ZNF205: variants seen among roughly 807,000 people sequenced by gnomAD.
ZNF205 encodes zinc finger protein 205.
A neutral mutation model predicts 53.6 loss-of-function variants in ZNF205; 32 were observed. The ratio of observed to expected loss-of-function variants is 0.60; its 90% CI spans 0.45 to 0.80. ZNF205 has a LOEUF of 0.80. Among genes scored for constraint, ZNF205 ranks in the 30% least tolerant of loss-of-function variants. ZNF205 has a pLI of 0.00. For missense variants in ZNF205, 836 were observed against 782.4 expected (o/e 1.07, Z -0.82); for synonymous variants, 382 against 334.3 (o/e 1.14, Z -1.56).
Position 3,119,613 on chromosome 16 carries a change from G to C in ZNF205, c.953G>C (p.Ser318Thr), listed in dbSNP as rs756552273. The part of the protein sequence containing the change: ...YRCEQCGKGF[S>T]WHSHLVTHRR... ...TGCGAGCAGTGCGGCAAGGGCTTCAGCTGGCACTCGCACCTGGTGACGCAC... is the reference window on the plus strand; with the variant it reads ...TGCGAGCAGTGCGGCAAGGGCTTCACCTGGCACTCGCACCTGGTGACGCAC... Residue 318 changes from serine to threonine, a missense_variant, in exon 7 of 7, where the codon AGC (serine) becomes ACC (threonine). Physicochemically the swap from Ser to Thr is moderately conservative, Grantham distance 58 (BLOSUM62 1). Coordinates refer to ENST00000219091, the MANE Select transcript of ZNF205 (RefSeq NM_001042428.2). The C allele has an allele frequency of 2.5e-6, 4 of 1,610,944 alleles. No individual in the cohort carries two copies. Among genetic ancestry groups the C allele is most frequent in the Middle Eastern group, 1.7e-4 (1 of 6,058 alleles).
rs910923556 is a variant in ZNF205, at chr16:3,119,706, C to G, written c.1046C>G (p.Ser349Trp). 15 of 1,613,536 alleles carry G rather than the reference C, an allele frequency of 9.3e-6. No individual in the cohort carries two copies. The Admixed American group carries it at 1.3e-4, about 14-fold the overall frequency. The change falls in exon 7 of 7, where the codon TCG becomes TGG. Residue 349 changes from serine (S) to tryptophan (W), a missense_variant. By Grantham distance (177) the Ser-to-Trp change is radical. Coordinates refer to ENST00000219091, the MANE Select transcript of ZNF205 (RefSeq NM_001042428.2). ...TDCGKRFGRS[S>W]HLIQHQIIHT... Reference sequence around the variant, plus strand: ...TGCGGGAAGCGCTTCGGCCGCAGCTCGCACCTCATCCAGCACCAGATCATC... The same window carrying G: ...TGCGGGAAGCGCTTCGGCCGCAGCTGGCACCTCATCCAGCACCAGATCATC...
chr16:3,112,933 G>C (rs1957286824), intron 1 of ZNF205: 1 of 193,010 alleles, frequency 5.2e-6, no homozygotes, highest in Non-Finnish European at 1.1e-5. Context: ...CTGAATTCCT[G>C]GTGGGCATGG....
At position 3,120,019 on chromosome 16, in the gene ZNF205, C is replaced by T. The variant is rs751607198; in HGVS notation, c.1359C>T (p.Cys453=). ...TCAAGCCCTATCCGTGCCCCGAGTG[C>T]GGCAAGTGCTTCAGCCAGCGTTCCA... ...TGVKPYPCPE[C]GKCFSQRSNL... is the part of the protein sequence containing the mutation. The change falls in exon 7 of 7, where the codon TGC becomes TGT. Residue 453 remains cysteine (C), a synonymous_variant. Coordinates refer to ENST00000219091, the MANE Select transcript of ZNF205 (RefSeq NM_001042428.2). 15 of 1,613,688 alleles carry T rather than the reference C, an allele frequency of 9.3e-6. No individual in the cohort carries two copies. The highest frequency in any genetic ancestry group is 6.7e-5 in the African/African-American group (5 of 74,886).
rs749738418 is a variant in ZNF205, at chr16:3,119,974, C to G, written c.1314C>G (p.His438Gln). The G allele has an allele frequency of 1.2e-6, 2 of 1,613,764 alleles. No individual in the cohort carries two copies. The highest frequency in any genetic ancestry group is 1.7e-6 in the Non-Finnish European group (2 of 1,179,952). The change falls in exon 7 of 7, where the codon CAC (histidine) becomes CAG (glutamine). Residue 438 changes from histidine (H) to glutamine (Q), a missense_variant. Transcript: ENST00000219091. ...CGCAGAGCTCGGCGCTAGTCACCCA[C>G]CAGCGCACCCACACTGGGGTCAAGC... ...CFTQSSALVT[H>Q]QRTHTGVKPY...
At chr16:3,116,166 A>C (rs1484641179) in intron 4 of ZNF205, 4 of 644,444 alleles carry the variant, frequency 6.2e-6, no homozygotes, top group Non-Finnish European at 1.1e-5. Flanking sequence ...CCGTCCTCCG[A>C]GGTCTCAGCT....
chr16:3,118,864 G>A lies in ZNF205; in HGVS notation c.485-41G>A, dbSNP rs544540406. 56 of 1,595,872 alleles carry A rather than the reference G, an allele frequency of 3.5e-5. No homozygotes were observed. The Admixed American group carries it at 8.9e-4, about 26-fold the overall frequency. ...GAGATGCTGTCTGCAGCTGGGCAGC[G>A]CCAGAAGGCCTGTGACAGCACAGCA... is the stretch of plus-strand genomic sequence containing the variant. On this transcript the variant is annotated intron_variant, in intron 5 of 6. Coordinates refer to ENST00000219091, the MANE Select transcript of ZNF205 (RefSeq NM_001042428.2).
Position 3,120,132 on chromosome 16 carries a change from T to A in ZNF205, c.1472T>A (p.Leu491His). The A allele has an allele frequency of 6.2e-7, 1 of 1,613,494 alleles. No individual in the cohort carries two copies. The highest frequency in any genetic ancestry group is 8.5e-7 in the Non-Finnish European group (1 of 1,179,744). ...AAGAGCTTCAGCCACAGCTCGCACC[T>A]CACCGCGCACCAGCGCACCCACCGT... ...CGKSFSHSSH[L>H]TAHQRTHRGV... The change falls in exon 7 of 7, where the codon CTC becomes CAC. Residue 491 changes from leucine to histidine, a missense_variant. By Grantham distance (99) the Leu-to-His change is moderately conservative. Coordinates refer to ENST00000219091, the MANE Select transcript of ZNF205 (RefSeq NM_001042428.2).
intron 2 of ZNF205, among the ~76,000 whole-genome samples, 196 bp downstream of exon 2, chr16:3,113,683 T>C (rs1957301086): frequency 6.6e-6 from 1 of 152,202 alleles, no homozygotes; most frequent in South Asian, 2.1e-4. Flanking sequence ...GTGAATTCTC[T>C]AGCCAGTGGC....
chr16:3,120,346 G>A lies in ZNF205; in HGVS notation c.*21G>A, dbSNP rs763406427. The A allele has an allele frequency of 2.7e-6, 4 of 1,481,426 alleles. No individual in the cohort carries two copies. The South Asian group carries it at 4.0e-5, about 15-fold the overall frequency. The allele number at this position is 1,481,426 out of a possible 1,614,324, so 91.8% of individuals were successfully genotyped here. On this transcript the variant is annotated 3_prime_UTR_variant, in exon 7 of 7. Transcript: ENST00000219091. ...CCTAGGAGGCCAGGAAAGGGGGAGCGGGGCGCCCAGGGCCACTGGAACAGC... is the reference window on the plus strand; with the variant it reads ...CCTAGGAGGCCAGGAAAGGGGGAGCAGGGCGCCCAGGGCCACTGGAACAGC...
intron 4 of ZNF205, 102 bp from the exon 5 acceptor site, chr16:3,116,325 G>T: frequency 6.5e-7 from 1 of 1,542,430 alleles, no homozygotes. Context: ...ACTCGACACA[G>T]TGGGTTGGGA....
intron 5 of ZNF205, 103 bp from the exon 6 acceptor site, chr16:3,118,802 A>C: frequency 7.9e-7 from 1 of 1,265,706 alleles, no homozygotes; most frequent in Non-Finnish European, 1.1e-6. Context: ...CCCTGTTTCC[A>C]GAGCCTCACC....
chr16:3,113,556 C>A, intron 2 of ZNF205, 69 bp downstream of exon 2: 1 of 1,567,318 alleles, frequency 6.4e-7, no homozygotes. Context: ...TTTCAAGGCA[C>A]AGAGTCTGGA....
intron 6 of ZNF205, 76 bp downstream of exon 6, chr16:3,119,091 TG>T: frequency 6.4e-7 from 1 of 1,559,812 alleles, no homozygotes; most frequent in Non-Finnish European, 8.7e-7. Context: ...TCTGTGGGAG[TG>T]GGGCAGGGCC....
chr16:3,116,881 G>T (rs1432659626), intron 5 of ZNF205, among the ~76,000 whole-genome samples: 1 of 152,060 alleles, frequency 6.6e-6, no homozygotes, highest in South Asian at 2.1e-4. Context: ...TGCAAGCTCC[G>T]CCTCCCGGGT....
At position 3,119,022 on chromosome 16, in the gene ZNF205, G is replaced by C. The variant is rs899123854; in HGVS notation, c.595+7G>C. ...TGGAGAGGCGCGTGCACAGGTGAGG[G>C]ACGGGCGCGCGCCTTTGTCTGCGGG... On this transcript the variant is annotated splice_region_variant and intron_variant, in intron 6 of 6. Coordinates refer to ENST00000219091, the MANE Select transcript of ZNF205 (RefSeq NM_001042428.2). 11 of 1,611,790 alleles carry C rather than the reference G, an allele frequency of 6.8e-6. 1 individual carries two copies. The South Asian group carries it at 1.2e-4, about 18-fold the overall frequency.
At chr16:3,116,077 T>A in intron 4 of ZNF205, 157 bp downstream of exon 4, 1 of 860,114 alleles carries the variant, frequency 1.2e-6, no homozygotes, top group East Asian at 2.7e-5. Context: ...TCAAGGCCCA[T>A]GGTCAGGCCT....
intron 3 of ZNF205, 95 bp from the exon 4 acceptor site, chr16:3,115,734 T>G (rs1957335335): frequency 1.4e-6 from 2 of 1,417,740 alleles, no homozygotes; most frequent in Admixed American, 4.3e-5. Flanking sequence ...GACCCTGTCC[T>G]TGGGTCGGGC....
At chr16:3,113,250 T>C (rs1957292935) in intron 1 of ZNF205, 167 bp from the exon 2 acceptor site, 2 of 619,982 alleles carry the variant, frequency 3.2e-6, no homozygotes, top group African/African-American at 1.9e-5. Flanking sequence ...GGAGACTTTC[T>C]TTCCGATTGG....
At chr16:3,116,103 G>A (rs1453676892) in intron 4 of ZNF205, 183 bp downstream of exon 4, 13 of 738,396 alleles carry the variant, frequency 1.8e-5, no homozygotes, top group Non-Finnish European at 2.8e-5. Flanking sequence ...AAAGCTGGAG[G>A]AGAAGCAGCA....
Sources: allele counts gnomAD v4.1 joint callset (sites outside exome capture counted in the v4.1 genomes callset), GRCh38; gene constraint gnomAD v4.1.1; transcripts MANE v1.5; gene names NCBI Gene and HGNC (gene_info 2026-07-23, HGNC 2026-07-21).